EGFLAM: variants seen among roughly 807,000 people sequenced by gnomAD.
EGFLAM encodes EGF like, fibronectin type III and laminin G domains, also known as pikachurin.
EGFLAM carries 79 observed loss-of-function variants against 113.1 expected under a neutral mutation model. The ratio of observed to expected loss-of-function variants is 0.70; its 90% CI spans 0.58 to 0.84. The LOEUF is 0.84. Among genes scored for constraint, EGFLAM ranks in the 40% least tolerant of loss-of-function variants. The pLI is 0.00. For synonymous variants in EGFLAM, 504 were observed against 487.6 expected, an observed-to-expected ratio of 1.03 and a Z score of -0.44; for missense variants, 1,265 against 1,291.6, an observed-to-expected ratio of 0.98 and a Z score of 0.32.
intron 9 of EGFLAM, among the ~76,000 whole-genome samples, chr5:38,408,277 C>A (rs1579885603): frequency 6.6e-6 from 1 of 152,242 alleles, no homozygotes; most frequent in Non-Finnish European, 1.5e-5. Flanking sequence ...GAGCCCAATT[C>A]TCTGTCTTCA....
intron 1 of EGFLAM, among the ~76,000 whole-genome samples, chr5:38,312,516 A>C (rs1012549799): frequency 6.6e-6 from 1 of 152,172 alleles, no homozygotes; most frequent in African/African-American, 2.4e-5. Context: ...CTGGGATTAC[A>C]GGCGTGAGCC....
intron 5 of EGFLAM, among the ~76,000 whole-genome samples, chr5:38,363,538 T>G (rs1337691420): frequency 1.3e-5 from 2 of 152,234 alleles, no homozygotes; most frequent in African/African-American, 4.8e-5. Context: ...CTTATCTGGT[T>G]ACAATGGTTG....
intron 19 of EGFLAM, among the ~76,000 whole-genome samples, chr5:38,452,197 G>C (rs1448349631): frequency 6.6e-6 from 1 of 151,748 alleles, no homozygotes; most frequent in African/African-American, 2.4e-5. Flanking sequence ...CACCATGTCT[G>C]GCTTTTTGTA....
chr5:38,322,528 A>G (rs1738770384), intron 1 of EGFLAM, among the ~76,000 whole-genome samples: 1 of 152,166 alleles, frequency 6.6e-6, no homozygotes, highest in African/African-American at 2.4e-5. Flanking sequence ...TTTCCTGCTC[A>G]CTGCTAGTAC....
intron 15 of EGFLAM, among the ~76,000 whole-genome samples, chr5:38,433,059 C>T (rs1172085145): frequency 6.6e-6 from 1 of 152,170 alleles, no homozygotes; most frequent in African/African-American, 2.4e-5. Flanking sequence ...GTGGGAAGGC[C>T]AATGCCTGAT....
chr5:38,443,639 A>G (rs1276455187), intron 17 of EGFLAM, among the ~76,000 whole-genome samples: 1 of 152,154 alleles, frequency 6.6e-6, no homozygotes, highest in African/African-American at 2.4e-5. Flanking sequence ...CTCCGGCAGG[A>G]TGGGCATCCA....
chr5:38,377,424 G>A (rs142844152), intron 6 of EGFLAM, among the ~76,000 whole-genome samples: 7 of 152,236 alleles, frequency 4.6e-5, no homozygotes, highest in South Asian at 2.1e-4. Context: ...GATTACAGGC[G>A]TGAGCCACCA....
In EGFLAM at chr5:38,427,292, G is replaced by A. The variant is rs751733201; in HGVS notation, c.2054+40G>A. Reference sequence around the variant, plus strand: ...CTTCTGGGACTCTTTCCCTTAAAAAGGCAAATAGTAACTGCTTCAGAAAAA... The same window carrying A: ...CTTCTGGGACTCTTTCCCTTAAAAAAGCAAATAGTAACTGCTTCAGAAAAA... On this transcript the variant is annotated intron_variant, in intron 14 of 21. Transcript: ENST00000322350. 4.4e-6 allele frequency: 7 copies of A among 1,598,458 alleles called. No individual in the cohort carries two copies. In the South Asian group the frequency reaches 5.6e-5, roughly 13 times the overall value.
At chr5:38,452,036 CTTT>C (rs550236407) in intron 19 of EGFLAM, among the ~76,000 whole-genome samples, 7 of 118,380 alleles carry the variant, frequency 5.9e-5, no homozygotes, top group Admixed American at 8.7e-5. Flanking sequence ...TCCAACAGGA[CTTT>C]TTTTTTTTTT....
At chr5:38,402,976 A>T (rs1741163288) in intron 6 of EGFLAM, among the ~76,000 whole-genome samples, 1 of 152,244 alleles carries the variant, frequency 6.6e-6, no homozygotes, top group Non-Finnish European at 1.5e-5. Context: ...AAGGAAGAAC[A>T]GCCTGGAAGG....
chr5:38,442,391 T>A (rs1192010672), intron 17 of EGFLAM, among the ~76,000 whole-genome samples: 1 of 147,564 alleles, frequency 6.8e-6, no homozygotes, highest in Non-Finnish European at 1.5e-5. Flanking sequence ...TAATACTAAA[T>A]ATGAAATTTT....
At chr5:38,386,075 C>T (rs543972278) in intron 6 of EGFLAM, among the ~76,000 whole-genome samples, 10 of 152,318 alleles carry the variant, frequency 6.6e-5, no homozygotes, top group African/African-American at 2.2e-4. Flanking sequence ...TATAATCTTA[C>T]GGGCCTACCA....
At chr5:38,423,596 G>A (rs1422945880) in intron 12 of EGFLAM, among the ~76,000 whole-genome samples, 1 of 152,158 alleles carries the variant, frequency 6.6e-6, no homozygotes, top group Non-Finnish European at 1.5e-5. Flanking sequence ...GGGGCTCAGG[G>A]ACCTTTGAGA....
intron 1 of EGFLAM, among the ~76,000 whole-genome samples, chr5:38,262,005 A>T (rs1253440249): frequency 3.3e-5 from 5 of 152,230 alleles, no homozygotes; most frequent in Admixed American, 1.3e-4. Context: ...CTCATTGGAT[A>T]GCCTTCATTC....
chr5:38,458,485 C>A, intron 20 of EGFLAM, 91 bp downstream of exon 20: 2 of 1,278,266 alleles, frequency 1.6e-6, no homozygotes, highest in Non-Finnish European at 2.2e-6. Flanking sequence ...TGTCCTGTTC[C>A]CCAACTTTGC....
chr5:38,360,683 C>T (rs1739896633), intron 5 of EGFLAM, among the ~76,000 whole-genome samples: 1 of 152,166 alleles, frequency 6.6e-6, no homozygotes, highest in Non-Finnish European at 1.5e-5. Context: ...AGTTGACACA[C>T]ATAAAATGCC....
At chr5:38,328,672 G>A (rs1455326649) in intron 1 of EGFLAM, among the ~76,000 whole-genome samples, 2 of 147,228 alleles carry the variant, frequency 1.4e-5, no homozygotes, top group Non-Finnish European at 3.0e-5. Flanking sequence ...GTATTTCTTC[G>A]GTAACTAGCA....
chr5:38,409,808 A>C (rs1486027853), intron 10 of EGFLAM, among the ~76,000 whole-genome samples: 1 of 152,074 alleles, frequency 6.6e-6, no homozygotes, highest in Non-Finnish European at 1.5e-5. Context: ...CACTGCCCTC[A>C]TCGTTTCTCC....
chr5:38,348,904 A>G (rs1207611283), intron 3 of EGFLAM, among the ~76,000 whole-genome samples: 1 of 152,104 alleles, frequency 6.6e-6, no homozygotes, highest in Non-Finnish European at 1.5e-5. Context: ...CATTAGAATC[A>G]CCTGGAGGGC....
Sources: allele counts gnomAD v4.1 joint callset (sites outside exome capture counted in the v4.1 genomes callset), GRCh38; gene constraint gnomAD v4.1.1; transcripts MANE v1.5; gene names NCBI Gene and HGNC (gene_info 2026-07-23, HGNC 2026-07-21).